Variants in EVL observed in about 807,000 individuals in gnomAD.
EVL encodes the protein Enah/Vasp-like.
In EVL, 21 loss-of-function variants were observed where a neutral mutation model predicts 59.6. The observed-to-expected ratio is 0.35, with a 90% CI of 0.25 to 0.51. The LOEUF (loss-of-function observed/expected upper bound fraction) is 0.51. EVL is among the 20% of genes least tolerant of loss of function. EVL has a pLI of 0.97. For synonymous variants in EVL, 198 were observed against 203.5 expected (o/e 0.97, Z 0.23); for missense variants, 462 against 546.6 (o/e 0.85, Z 1.54).
At chr14:100,079,518 G>A (rs2062244820) in intron 1 of EVL, among the ~76,000 whole-genome samples, 1 of 152,162 alleles carries the variant, frequency 6.6e-6, no homozygotes. Context: ...AAAGCGCTCT[G>A]GCAGAGGGAG....
intron 1 of EVL, among the ~76,000 whole-genome samples, chr14:100,011,705 G>A (rs1334886591): frequency 2.0e-5 from 3 of 152,086 alleles, no homozygotes; most frequent in African/African-American, 7.2e-5. Flanking sequence ...CTGTACTTGT[G>A]GGTGTTTATC....
In EVL at chr14:100,109,670, G is replaced by A. The variant is rs764938938; in HGVS notation, c.358+12012G>A. 5 of 532,046 alleles carry A rather than the reference G, an allele frequency of 9.4e-6. No individual in the cohort carries two copies. In the East Asian group the frequency reaches 2.7e-4, roughly 29 times the overall value. 33.0% of individuals were successfully genotyped at this position (532,046 alleles called of 1,614,324 possible). On this transcript the variant is annotated intron_variant, in intron 3 of 13. Transcript: ENST00000392920. This position sits in a 1 kb window ranked among gnomAD's most constrained non-coding sequence, Gnocchi z 4.3. ...GCCAACCTGTGAAACTGGGCTCAAG[G>A]TGAGGGGTGCTATCTGTGATTGAGG...
rs565313002 is a variant in EVL, at chr14:100,043,833, A to G, written c.6-40854A>G. On this transcript the variant is annotated intron_variant, in intron 1 of 13. Transcript: ENST00000402714. ...CTTGCTGTGTTGCCCATACTGGTCTAGAACTCCTGGGCTCAAGCGATCTTC... is the reference window on the plus strand; with the variant it reads ...CTTGCTGTGTTGCCCATACTGGTCTGGAACTCCTGGGCTCAAGCGATCTTC... Among the ~76,000 whole-genome samples, 4 of 152,000 alleles carry G rather than the reference A, an allele frequency of 2.6e-5. No individual in the cohort carries two copies. The East Asian group carries it at 7.7e-4, about 29-fold the overall frequency.
At chr14:100,054,879 C>G (rs900709993) in intron 1 of EVL, among the ~76,000 whole-genome samples, 10 of 152,166 alleles carry the variant, frequency 6.6e-5, no homozygotes, top group Admixed American at 2.6e-4. Flanking sequence ...AGGCACACAT[C>G]CCCTGTCAAC....
At chr14:100,018,025 A>G (rs1391299791) in intron 1 of EVL, among the ~76,000 whole-genome samples, 1 of 152,276 alleles carries the variant, frequency 6.6e-6, no homozygotes, top group Non-Finnish European at 1.5e-5. Flanking sequence ...GAGGCAAAAG[A>G]GGTTCATTCA....
At chr14:100,133,351 C>T (rs947433678) in intron 8 of EVL, among the ~76,000 whole-genome samples, 3 of 152,192 alleles carry the variant, frequency 2.0e-5, no homozygotes, top group Admixed American at 2.0e-4. Flanking sequence ...CCATGTTAAG[C>T]TTTTCCTATA....
intron 1 of EVL, among the ~76,000 whole-genome samples, chr14:100,044,716 C>G (rs1324274398): frequency 6.6e-6 from 1 of 152,168 alleles, no homozygotes; most frequent in East Asian, 1.9e-4. Context: ...CACACATCAG[C>G]TGGAAGTAAC....
At position 100,125,169 on chromosome 14, in the gene EVL, T is replaced by TACACACACACACAC. The variant is rs34405834; in HGVS notation, c.423-1525_423-1512dup. ...ACACACACCTGCCCCAAGGCAGGAA[T>TACACACACACACAC]ACACACACACACACACACACACACA... On this transcript the variant is annotated intron_variant, in intron 4 of 13. Transcript: ENST00000392920. 1.1e-4 allele frequency among the ~76,000 whole-genome samples: 11 copies of TACACACACACACAC among 103,146 alleles called. 1 individual carries two copies. The highest frequency in any genetic ancestry group is 5.1e-4 in the African/African-American group (11 of 21,686). The allele number at this position is 103,146 out of a possible 152,430, so 67.7% of individuals were successfully genotyped here.
At chr14:100,083,097 C>G (rs2062348057) in intron 1 of EVL, among the ~76,000 whole-genome samples, 1 of 152,204 alleles carries the variant, frequency 6.6e-6, no homozygotes, top group South Asian at 2.1e-4. Flanking sequence ...CACCTTCCAG[C>G]AAATGGTAGA....
chr14:99,971,474 G>C (rs2060730918), exon 1 of EVL: 1 of 151,854 alleles, frequency 6.6e-6, no homozygotes, highest in African/African-American at 2.4e-5. Context: ...CTTTTGTGTC[G>C]GGCTTTGACC....
chr14:100,071,490 G>T (rs2062047712), intron 1 of EVL, among the ~76,000 whole-genome samples: 1 of 152,116 alleles, frequency 6.6e-6, no homozygotes, highest in African/African-American at 2.4e-5. Context: ...TCATCACTGT[G>T]GCAGCTAATG....
chr14:100,094,285 G>A (rs1885651079), intron 2 of EVL, among the ~76,000 whole-genome samples: 1 of 152,158 alleles, frequency 6.6e-6, no homozygotes, highest in African/African-American at 2.4e-5. Flanking sequence ...AGCCCCTTCA[G>A]TGGTTGTCTG....
chr14:99,983,609 C>T (rs1465129226), intron 1 of EVL, among the ~76,000 whole-genome samples: 1 of 152,198 alleles, frequency 6.6e-6, no homozygotes, highest in Non-Finnish European at 1.5e-5. Context: ...TTCTCTGGGT[C>T]CTGCCTGCTG....
Position 100,097,537 on chromosome 14 carries a change from CT to C in EVL, c.239del (p.Phe80SerfsTer13). On this transcript the variant is annotated frameshift_variant, in exon 3 of 14. Coordinates refer to ENST00000392920, the MANE Select transcript of EVL (RefSeq NM_016337.3). LOFTEE classifies it high-confidence loss of function. ...GLKYNQATPT[F>X]HQWRDARQVY... ...TGAAGTACAATCAGGCCACGCCAACCTTCCACCAGTGGCGAGATGCCCGCCA... is the reference window on the plus strand; with the variant it reads ...TGAAGTACAATCAGGCCACGCCAACCTCCACCAGTGGCGAGATGCCCGCCA... 6.2e-7 allele frequency: 1 copy of C among 1,614,192 alleles called. No individual in the cohort carries two copies. The highest frequency in any genetic ancestry group is 8.5e-7 in the Non-Finnish European group (1 of 1,180,014).
At chr14:100,119,310 T>C (rs1887546710) in intron 3 of EVL, among the ~76,000 whole-genome samples, 1 of 152,236 alleles carries the variant, frequency 6.6e-6, no homozygotes, top group Admixed American at 6.5e-5. Context: ...GTGAGAGTTT[T>C]CTTAGTTGGA....
At chr14:100,117,855 A>C (rs1566711347) in intron 3 of EVL, among the ~76,000 whole-genome samples, 1 of 152,152 alleles carries the variant, frequency 6.6e-6, no homozygotes, top group South Asian at 2.1e-4. Context: ...GGAGCTTATA[A>C]GCCATTAGAC....
chr14:100,056,052 C>T (rs767807915), intron 1 of EVL, among the ~76,000 whole-genome samples: 14 of 152,118 alleles, frequency 9.2e-5, no homozygotes, highest in Non-Finnish European at 1.3e-4. Flanking sequence ...CCTCACGATC[C>T]GCCCACCTCG....
chr14:100,015,692 G>T (rs988031562), intron 1 of EVL, among the ~76,000 whole-genome samples: 2 of 152,182 alleles, frequency 1.3e-5, no homozygotes, highest in Non-Finnish European at 2.9e-5. Flanking sequence ...GGACTCTAGG[G>T]CCCCTCCACC....
At chr14:100,091,205 C>T (rs1228055572) in intron 2 of EVL, among the ~76,000 whole-genome samples, 1 of 152,168 alleles carries the variant, frequency 6.6e-6, no homozygotes, top group Non-Finnish European at 1.5e-5. Context: ...CTTTTCTCCC[C>T]AAGGCAGGAA....
Sources: gnomAD v4.1 joint callset for allele counts (sites outside exome capture counted in the v4.1 genomes callset) on GRCh38, gnomAD v4.1.1 for gene constraint, Gnocchi (gnomAD v3.1) non-coding constraint, MANE v1.5 for transcripts, NCBI Gene and HGNC (gene_info 2026-07-23, HGNC 2026-07-21) for gene names.